The following PTPRH variants were observed in gnomAD, a reference collection of about 807,000 sequenced individuals.
The protein encoded by PTPRH is protein tyrosine phosphatase receptor type H, also known as receptor-type tyrosine-protein phosphatase H.
In PTPRH, 113 loss-of-function variants were observed where a neutral mutation model predicts 130.2. That is an observed-to-expected ratio of 0.87 (90% confidence interval 0.75 to 1.01). PTPRH has a LOEUF of 1.01. PTPRH is among the 50% of genes least tolerant of loss of function. The probability of loss-of-function intolerance (pLI) is 0.00; values close to 1 mark genes in which losing one functional copy is unlikely to be tolerated. For missense variants in PTPRH, 1,430 were observed against 1,425.0 expected (o/e 1.00, Z -0.06); for synonymous variants, 556 against 577.9 (o/e 0.96, Z 0.54).
At chr19:55,183,732 A>T (rs1174054855) in intron 18 of PTPRH, among the ~76,000 whole-genome samples, 2 of 152,070 alleles carry the variant, frequency 1.3e-5, no homozygotes, top group Non-Finnish European at 2.9e-5. Flanking sequence ...TCCACAAAAA[A>T]AAATAGCTAT....
chr19:55,181,864 G>A lies in PTPRH; in HGVS notation c.3238C>T (p.Leu1080Phe). ...GCTGGGGCCTGGGCTGACTGTTGGA[G>A]GAACCGCAGGATGCACTGATGCAGG... Reference protein sequence around the residue: ...VFLHQCILRFLQQSAQAPAEK... With the variant: ...VFLHQCILRFFQQSAQAPAEK... The change falls in exon 20 of 20, where the codon CTC (leucine) becomes TTC (phenylalanine). Residue 1080 changes from leucine to phenylalanine, a missense_variant. Transcript: ENST00000376350. 1 of 1,614,202 alleles carries A rather than the reference G, an allele frequency of 6.2e-7. No individual in the cohort carries two copies. The highest frequency in any genetic ancestry group is 8.5e-7 in the Non-Finnish European group (1 of 1,180,028).
At chr19:55,186,412 C>A in intron 15 of PTPRH, 52 bp downstream of exon 15, 1 of 1,613,194 alleles carries the variant, frequency 6.2e-7, no homozygotes, top group Non-Finnish European at 8.5e-7. Context: ...TCCCCGAGCT[C>A]TTATCTCTCC....
chr19:55,201,476 A>G (rs1600063050), intron 6 of PTPRH, among the ~76,000 whole-genome samples: 2 of 152,338 alleles, frequency 1.3e-5, no homozygotes, highest in South Asian at 4.1e-4. Flanking sequence ...ACCGTGGAGG[A>G]TGAAGGGGGG....
chr19:55,185,393 C>G, intron 18 of PTPRH, 109 bp downstream of exon 18: 13 of 1,215,972 alleles, frequency 1.1e-5, no homozygotes, highest in Non-Finnish European at 1.5e-5. Context: ...CCTCCTCCTT[C>G]TCTCCCTCTT....
Position 55,188,186 on chromosome 19 carries a change from G to A in PTPRH, c.2385-18C>T, listed in dbSNP as rs781492256. 2 of 1,599,654 alleles carry A rather than the reference G, an allele frequency of 1.3e-6. No homozygotes were observed. Among genetic ancestry groups the A allele is most frequent in the East Asian group, 2.2e-5 (1 of 44,778 alleles). On this transcript the variant is annotated intron_variant, in intron 12 of 19. Coordinates refer to ENST00000376350, the MANE Select transcript of PTPRH (RefSeq NM_002842.5). ...CTGGGGAGCTACGGGTTTTGGGGGA[G>A]CAGGGAGAAAAGACCGTAACTTCTT...
In PTPRH at chr19:55,200,497, TG is replaced by T. The variant is rs1034073564; in HGVS notation, c.1158del (p.Asn387ThrfsTer3). ...SRETRNATTAPNPVRNLHMET... is the reference protein window; with the variant it reads ...SRETRNATTAXNPVRNLHMET... ...TCCATATGGAGGTTTCTCACTGGGT[TG>T]GGGGCTGAGAAAGTAGGAAGAAGAT... On this transcript the variant is annotated frameshift_variant, in exon 7 of 20. Coordinates refer to ENST00000376350, the MANE Select transcript of PTPRH (RefSeq NM_002842.5). LOFTEE classifies it high-confidence loss of function. 1.3e-5 allele frequency: 21 copies of T among 1,613,720 alleles called. No individual in the cohort carries two copies. Among genetic ancestry groups the T allele is most frequent in the Non-Finnish European group, 1.8e-5 (21 of 1,179,904 alleles).
intron 10 of PTPRH, among the ~76,000 whole-genome samples, chr19:55,193,444 C>T (rs1432830800): frequency 3.9e-5 from 6 of 151,980 alleles, no homozygotes; most frequent in Non-Finnish European, 7.4e-5. Flanking sequence ...AAGAACAAAA[C>T]GAAACAAAAC....
chr19:55,191,975 C>T lies in PTPRH; in HGVS notation c.2258-234G>A, dbSNP rs141463649. 8.0e-4 allele frequency: 526 copies of T among 656,716 alleles called. 4 individuals are homozygous for T. Among genetic ancestry groups the T allele is most frequent in the South Asian group, 7.0e-3 (463 of 66,304 alleles). The allele number at this position is 656,716 out of a possible 1,614,324, so 40.7% of individuals were successfully genotyped here. On this transcript the variant is annotated intron_variant, in intron 10 of 19. Coordinates refer to ENST00000376350, the MANE Select transcript of PTPRH (RefSeq NM_002842.5). ...CCTCTCCTACCTCCTCCTCCTCCTC[C>T]GCCTACTCAACGCGAAGACTACAAG...
intron 14 of PTPRH, among the ~76,000 whole-genome samples, chr19:55,187,138 G>A (rs531407679): frequency 6.0e-4 from 90 of 150,518 alleles, no homozygotes; most frequent in Non-Finnish European, 1.1e-3. Context: ...AAGGTCAGGA[G>A]ATCGAGACCA....
intron 10 of PTPRH, among the ~76,000 whole-genome samples, chr19:55,192,786 C>T (rs958366000): frequency 2.0e-5 from 3 of 151,722 alleles, no homozygotes; most frequent in Non-Finnish European, 2.9e-5. Context: ...CTCCTGACCT[C>T]GTGATCCACC....
rs553156390 is a variant in PTPRH, at chr19:55,191,894, A to T, written c.2258-153T>A. On this transcript the variant is annotated intron_variant, in intron 10 of 19. Transcript: ENST00000376350. ...CGGTGTGAATTGCGTCGGTCCAGTTATACTTACGCGCTTACCCATGGATTT... is the reference window on the plus strand; with the variant it reads ...CGGTGTGAATTGCGTCGGTCCAGTTTTACTTACGCGCTTACCCATGGATTT... 139 of 740,090 alleles carry T rather than the reference A, an allele frequency of 1.9e-4. 2 individuals carry two copies. The South Asian group carries it at 1.9e-3, about 10-fold the overall frequency. 45.8% of individuals were successfully genotyped at this position (740,090 alleles called of 1,614,324 possible). A position where few individuals can be genotyped will look rare whatever the true frequency, so the allele number is the denominator to read the frequency against.
Position 55,205,379 on chromosome 19 carries a change from C to T in PTPRH, c.566G>A (p.Trp189Ter), listed in dbSNP as rs1354566566. 6.2e-7 allele frequency: 1 copy of T among 1,614,206 alleles called. No individual in the cohort carries two copies. Among genetic ancestry groups the T allele is most frequent in the Non-Finnish European group, 8.5e-7 (1 of 1,180,034 alleles). The change falls in exon 4 of 20, where the codon TGG (tryptophan) becomes TAG (stop). Residue 189 changes from tryptophan (W) to a stop codon, truncating the protein, a stop_gained. Coordinates refer to ENST00000376350, the MANE Select transcript of PTPRH (RefSeq NM_002842.5). LOFTEE classifies it high-confidence loss of function. ...EPGCLYAFSM[W>*]VGKNGINSSR... ...GCTGTTGATTCCATTCTTTCCCACC[C>T]ACATGGAAAACGCATACAAACACCC...
intron 4 of PTPRH, among the ~76,000 whole-genome samples, chr19:55,204,584 C>G (rs963437994): frequency 2.6e-5 from 4 of 152,126 alleles, no homozygotes; most frequent in African/African-American, 4.8e-5. Flanking sequence ...AGAGACTGCA[C>G]TCCCCCCCAC....
chr19:55,193,585 T>C (rs1269268221), intron 10 of PTPRH, among the ~76,000 whole-genome samples: 1 of 152,210 alleles, frequency 6.6e-6, no homozygotes, highest in Non-Finnish European at 1.5e-5. Context: ...GGAGTGCTGC[T>C]GGCACATAGT....
rs775924432 is a variant in PTPRH, at chr19:55,191,561, C to A, written c.2337-13G>T. On this transcript the variant is annotated splice_polypyrimidine_tract_variant and intron_variant, in intron 11 of 19. Transcript: ENST00000376350. Reference sequence around the variant, plus strand: ...CTTCTTCTTATTCCTGGGAAAAGGACGTTAGGATGAGAGGCTCAGGGGGTG... The same window carrying A: ...CTTCTTCTTATTCCTGGGAAAAGGAAGTTAGGATGAGAGGCTCAGGGGGTG... 1 of 1,614,148 alleles carries A rather than the reference C, an allele frequency of 6.2e-7. No individual in the cohort carries two copies. Among genetic ancestry groups the A allele is most frequent in the Non-Finnish European group, 8.5e-7 (1 of 1,179,994 alleles).
intron 2 of PTPRH, 43 bp from the exon 3 acceptor site, chr19:55,206,998 C>A: frequency 1.3e-6 from 2 of 1,556,446 alleles, no homozygotes; most frequent in Admixed American, 1.9e-5. Context: ...GGAACCAGGT[C>A]AGTACAATCC....
Position 55,209,438 on chromosome 19 carries a change from C to T in PTPRH, c.-5G>A. On this transcript the variant is annotated 5_prime_UTR_variant, in exon 1 of 20. Transcript: ENST00000376350. This position sits in a 1 kb window ranked among gnomAD's most constrained non-coding sequence, Gnocchi z 4.1. ...GCCCCCGCCAGCCCCAGCCATGCCT[C>T]CAGACACTGCCGGGGACCCAGGAGT... is the stretch of plus-strand genomic sequence containing the variant. 2 of 1,551,092 alleles carry T rather than the reference C, an allele frequency of 1.3e-6. No individual in the cohort carries two copies. The highest frequency in any genetic ancestry group is 1.7e-6 in the Non-Finnish European group (2 of 1,144,458).
At chr19:55,187,709 T>C (rs2288527) in intron 13 of PTPRH, 106 bp from the exon 14 acceptor site, 108,511 of 797,590 alleles carry the variant, frequency 0.14, 9,152 homozygotes, top group African/African-American at 0.32. Flanking sequence ...CCTTGTTTAT[T>C]CGTTGCACCC....
At chr19:55,205,624 G>A (rs372410421) in intron 3 of PTPRH, 32 bp from the exon 4 acceptor site, 50 of 1,610,230 alleles carry the variant, frequency 3.1e-5, no homozygotes, top group Non-Finnish European at 3.5e-5. Flanking sequence ...AAAATCAGTT[G>A]TAGTTTCTGG....
Sources: gnomAD v4.1 joint callset for allele counts (sites outside exome capture counted in the v4.1 genomes callset) on GRCh38, gnomAD v4.1.1 for gene constraint, Gnocchi (gnomAD v3.1) non-coding constraint, MANE v1.5 for transcripts, NCBI Gene and HGNC (gene_info 2026-07-23, HGNC 2026-07-21) for gene names.